The following HS3ST1 variants were observed in gnomAD, a reference collection of about 807,000 sequenced individuals.
HS3ST1 encodes the protein heparan sulfate glucosamine 3-O-sulfotransferase 1.
Under a neutral mutation model 20.7 loss-of-function variants are expected in HS3ST1, and 8 were observed. The ratio of observed to expected loss-of-function variants is 0.39; its 90% CI spans 0.23 to 0.70. The LOEUF (loss-of-function observed/expected upper bound fraction) is 0.70, where lower values mean the gene tolerates loss of function less well. HS3ST1 is among the 30% of genes least tolerant of loss of function. The probability of loss-of-function intolerance (pLI) is 0.46; values close to 1 mark genes in which losing one functional copy is unlikely to be tolerated. For missense variants in HS3ST1, 436 were observed against 423.4 expected, an observed-to-expected ratio of 1.03 and a Z score of -0.26; for synonymous variants, 205 against 190.4, an observed-to-expected ratio of 1.08 and a Z score of -0.63.
chr4:11,429,063 A>G (rs113121589), upstream of HS3ST1: 1 of 152,554 alleles, frequency 6.6e-6, no homozygotes, highest in Non-Finnish European at 1.5e-5. Flanking sequence ...GGTGCCGCCC[A>G]GAGTCCGGCC....
At chr4:11,414,901 G>T (rs17488959) in intron 1 of HS3ST1, among the ~76,000 whole-genome samples, 5,700 of 152,242 alleles carry the variant, frequency 0.037, 150 homozygotes, top group Non-Finnish European at 0.055. Context: ...ACTGAAGAGG[G>T]TTAGATGTCA....
intron 1 of HS3ST1, among the ~76,000 whole-genome samples, chr4:11,414,867 A>G (rs1030304952): frequency 2.6e-5 from 4 of 152,138 alleles, no homozygotes; most frequent in African/African-American, 4.8e-5. Context: ...TCACCCCCAC[A>G]ATGTAAGATT....
At chr4:11,418,254 A>G (rs574158417) in intron 1 of HS3ST1, among the ~76,000 whole-genome samples, 2 of 152,338 alleles carry the variant, frequency 1.3e-5, no homozygotes, top group East Asian at 3.9e-4. Flanking sequence ...TAGATCTATG[A>G]TGACATTTGT....
At chr4:11,433,900 TC>T (rs2108896011), upstream of HS3ST1, among the ~76,000 whole-genome samples, 1 of 152,280 alleles carries the variant, frequency 6.6e-6, no homozygotes, top group South Asian at 2.1e-4. Flanking sequence ...TAATAGAAGG[TC>T]CAAGGAGCAT....
upstream of HS3ST1, among the ~76,000 whole-genome samples, chr4:11,432,273 G>T (rs1046693473): frequency 2.6e-5 from 4 of 152,084 alleles, no homozygotes; most frequent in African/African-American, 9.7e-5. Flanking sequence ...CAGTCTAGTG[G>T]GCAGCCCTGT....
chr4:11,423,395 T>G (rs1718986260), intron 1 of HS3ST1, among the ~76,000 whole-genome samples: 1 of 152,226 alleles, frequency 6.6e-6, no homozygotes, highest in African/African-American at 2.4e-5. Flanking sequence ...AAATTTAACT[T>G]TGGGTTATGT....
intron 1 of HS3ST1, among the ~76,000 whole-genome samples, chr4:11,427,315 T>C (rs1397986566): frequency 6.6e-6 from 1 of 152,180 alleles, no homozygotes; most frequent in Non-Finnish European, 1.5e-5. Context: ...CTTCCGGGGC[T>C]ACTGGCGGGA....
intron 1 of HS3ST1, among the ~76,000 whole-genome samples, chr4:11,417,455 G>A (rs1030972192): frequency 1.3e-5 from 2 of 152,112 alleles, no homozygotes; most frequent in African/African-American, 4.8e-5. Flanking sequence ...ATAAATGAGT[G>A]TATGAAAAAT....
chr4:11,399,147 C>G lies in HS3ST1; in HGVS notation c.859G>C (p.Glu287Gln), dbSNP rs370389171. Residue 287 changes from glutamate to glutamine, a missense_variant, in exon 2 of 2, where the codon GAA (glutamate) becomes CAA (glutamine). Coordinates refer to ENST00000002596, the MANE Select transcript of HS3ST1 (RefSeq NM_005114.4). This position sits in a 1 kb window ranked among gnomAD's most constrained non-coding sequence, Gnocchi z 5.1. The part of the protein sequence containing the change: ...VDPKLLNKLH[E>Q]YFHEPNKKFF... ...TTCTTATTTGGCTCATGAAAATATT[C>G]GTGCAGTTTATTGAGTAGTTTGGGA... 1.2e-6 allele frequency: 2 copies of G among 1,614,066 alleles called. No individual in the cohort carries two copies. The highest frequency in any genetic ancestry group is 2.2e-5 in the South Asian group (2 of 91,072).
At chr4:11,406,948 C>A (rs1480551688) in intron 1 of HS3ST1, among the ~76,000 whole-genome samples, 1 of 151,900 alleles carries the variant, frequency 6.6e-6, no homozygotes, top group Non-Finnish European at 1.5e-5. Context: ...TCACTTTCAT[C>A]TTTGCATAGC....
chr4:11,420,163 G>T (rs976253446), intron 1 of HS3ST1, among the ~76,000 whole-genome samples: 1 of 152,218 alleles, frequency 6.6e-6, no homozygotes, highest in East Asian at 1.9e-4. Flanking sequence ...ACACGCAACA[G>T]GAACTGGTTA....
chr4:11,414,621 T>C (rs1285719098), intron 1 of HS3ST1, among the ~76,000 whole-genome samples: 1 of 152,212 alleles, frequency 6.6e-6, no homozygotes. Flanking sequence ...GTATTCCAGA[T>C]TGATATCAAA....
At chr4:11,426,455 G>A (rs570591969) in intron 1 of HS3ST1, among the ~76,000 whole-genome samples, 2 of 147,734 alleles carry the variant, frequency 1.4e-5, no homozygotes, top group East Asian at 1.9e-4. Flanking sequence ...GGGGACCCAG[G>A]GGGGGGGCTT....
In HS3ST1 at chr4:11,397,230, G is replaced by C. The variant is rs1718168202; in HGVS notation, c.*1852C>G. ...TGTAAATATTTCTGCTACTTCCTCT[G>C]GGGGAGATGATGGCTTAATGACAAC... On this transcript the variant is annotated 3_prime_UTR_variant, in exon 2 of 2. Transcript: ENST00000002596. 1 of 152,274 alleles carries C rather than the reference G, an allele frequency of 6.6e-6. No individual in the cohort carries two copies. Among genetic ancestry groups the C allele is most frequent in the Admixed American group, 6.5e-5 (1 of 15,272 alleles). The allele number at this position is 152,274 out of a possible 1,614,324, so 9.4% of individuals were successfully genotyped here.
chr4:11,426,273 C>G (rs1465607708), intron 1 of HS3ST1, among the ~76,000 whole-genome samples: 2 of 152,118 alleles, frequency 1.3e-5, no homozygotes, highest in African/African-American at 4.8e-5. Flanking sequence ...CAATTTACAC[C>G]ACCCAGGCCA....
chr4:11,404,921 G>A (rs557176259), intron 1 of HS3ST1, among the ~76,000 whole-genome samples: 1 of 152,340 alleles, frequency 6.6e-6, no homozygotes, highest in South Asian at 2.1e-4. Flanking sequence ...ATTTTAAAAA[G>A]TGAGGTTCAG....
intron 1 of HS3ST1, among the ~76,000 whole-genome samples, chr4:11,400,722 A>G (rs1311797272): frequency 2.0e-5 from 3 of 152,234 alleles, no homozygotes; most frequent in African/African-American, 7.2e-5. Flanking sequence ...CTAACAGAGC[A>G]TGTGAATTAG....
At chr4:11,413,694 A>C (rs1211587362) in intron 1 of HS3ST1, among the ~76,000 whole-genome samples, 1 of 152,084 alleles carries the variant, frequency 6.6e-6, no homozygotes, top group African/African-American at 2.4e-5. Flanking sequence ...AACAAAACAA[A>C]AACAGCCATG....
intron 1 of HS3ST1, among the ~76,000 whole-genome samples, chr4:11,425,879 C>T (rs1719047666): frequency 3.9e-5 from 6 of 152,160 alleles, no homozygotes; most frequent in Non-Finnish European, 8.8e-5. Flanking sequence ...CTCCTGCCTT[C>T]TGCCATAAGA....
Sources: gnomAD v4.1 joint callset for allele counts (sites outside exome capture counted in the v4.1 genomes callset) on GRCh38, gnomAD v4.1.1 for gene constraint, Gnocchi (gnomAD v3.1) non-coding constraint, MANE v1.5 for transcripts, NCBI Gene and HGNC (gene_info 2026-07-23, HGNC 2026-07-21) for gene names.